The following TCF20 variants were observed in gnomAD, a reference collection of about 807,000 sequenced individuals.
TCF20 encodes SPRE-binding protein.
A neutral mutation model predicts 148.6 loss-of-function variants in TCF20; 3 were observed. That is an observed-to-expected ratio of 0.02 (90% confidence interval 0.01 to 0.05). The LOEUF (loss-of-function observed/expected upper bound fraction) is 0.05, where lower values mean the gene tolerates loss of function less well. Ranked by LOEUF, TCF20 falls within the 10% of genes least tolerant of loss-of-function variation. The probability of loss-of-function intolerance (pLI) is 1.00; values close to 1 mark genes in which losing one functional copy is unlikely to be tolerated. For missense variants in TCF20, 2,350 were observed against 2,429.3 expected (o/e 0.97, Z 0.69); for synonymous variants, 1,049 against 909.5 (o/e 1.15, Z -2.76).
At chr22:42,265,472 CT>C (rs1005932868) in intron 1 of TCF20, among the ~76,000 whole-genome samples, 2 of 152,132 alleles carry the variant, frequency 1.3e-5, no homozygotes, top group African/African-American at 4.8e-5. Context: ...CACATCTGGC[CT>C]TTTTTATTTT....
chr22:42,185,607 G>A (rs1937006700), intron 2 of TCF20, among the ~76,000 whole-genome samples: 1 of 152,114 alleles, frequency 6.6e-6, no homozygotes, highest in Admixed American at 6.6e-5. Context: ...CAACTACGTG[G>A]CAGCTAGATG....
At chr22:42,201,728 A>G (rs970985486) in intron 2 of TCF20, among the ~76,000 whole-genome samples, 8 of 151,744 alleles carry the variant, frequency 5.3e-5, no homozygotes, top group African/African-American at 1.9e-4. Context: ...AAATTGTGCC[A>G]TTGCGGTCCA....
Position 42,290,659 on chromosome 22 carries a change from C to T in TCF20, c.-37+52820G>A, listed in dbSNP as rs895484396. 6.6e-6 allele frequency among the ~76,000 whole-genome samples: 1 copy of T among 152,234 alleles called. No homozygotes were observed. Among genetic ancestry groups the T allele is most frequent in the African/African-American group, 2.4e-5 (1 of 41,458 alleles). Reference sequence around the variant, plus strand: ...AGGAGCGCGTGCCCCTGAGCCCACTCGCTGTGGCTGCAGCATACACCGCTG... The same window carrying T: ...AGGAGCGCGTGCCCCTGAGCCCACTTGCTGTGGCTGCAGCATACACCGCTG... On this transcript the variant is annotated intron_variant, in intron 1 of 1. Coordinates refer to the TCF20 transcript ENST00000515426. This position sits in a 1 kb window ranked among gnomAD's most constrained non-coding sequence, Gnocchi z 4.2.
chr22:42,197,522 C>G (rs1415402798), intron 2 of TCF20, among the ~76,000 whole-genome samples: 1 of 152,052 alleles, frequency 6.6e-6, no homozygotes, highest in Non-Finnish European at 1.5e-5. Context: ...CAGGGTTTCA[C>G]CGTGTTAGCC....
intron 1 of TCF20, among the ~76,000 whole-genome samples, chr22:42,251,668 A>C (rs1431453800): frequency 6.7e-6 from 1 of 149,662 alleles, no homozygotes; most frequent in East Asian, 2.0e-4. Flanking sequence ...ATGCCTAGAT[A>C]ATTTTTATAT....
chr22:42,189,705 C>A (rs986098460), intron 2 of TCF20, among the ~76,000 whole-genome samples: 1 of 152,192 alleles, frequency 6.6e-6, no homozygotes, highest in African/African-American at 2.4e-5. Context: ...TCCCTGCTAG[C>A]AAGCTTTTTT....
intron 2 of TCF20, among the ~76,000 whole-genome samples, chr22:42,185,852 A>T (rs150000109): frequency 6.6e-6 from 1 of 152,300 alleles, no homozygotes; most frequent in Non-Finnish European, 1.5e-5. Flanking sequence ...ACAAAGACTG[A>T]GGGAATGGGC....
chr22:42,279,690 C>G lies in TCF20; in HGVS notation c.-37+4137G>C, dbSNP rs1162507675. The stretch of plus-strand genomic sequence containing the variant: ...TGCTCCGTGAGGTGGGACGATTCAC[C>G]CCATGAGCAAACAGGCTCAGGGAGG... On this transcript the variant is annotated intron_variant, in intron 1 of 5. Coordinates refer to the TCF20 transcript ENST00000359486. The surrounding 1 kb of genome is among the most constrained non-coding windows in gnomAD (Gnocchi z 4.3). Among the ~76,000 whole-genome samples the G allele has an allele frequency of 6.6e-6, 1 of 152,192 alleles. No individual in the cohort carries two copies. The highest frequency in any genetic ancestry group is 1.5e-5 in the Non-Finnish European group (1 of 68,032).
intron 1 of TCF20, among the ~76,000 whole-genome samples, chr22:42,303,489 C>T (rs1927375674): frequency 6.6e-6 from 1 of 152,262 alleles, no homozygotes; most frequent in Non-Finnish European, 1.5e-5. Context: ...GCACAACACC[C>T]CATGGGCAGC....
chr22:42,293,506 C>T (rs115250480), intron 1 of TCF20, among the ~76,000 whole-genome samples: 2,346 of 152,230 alleles, frequency 0.015, 56 homozygotes, highest in African/African-American at 0.054. Context: ...CTGAGGACAG[C>T]GGGGTGAGGG....
At chr22:42,300,232 G>A (rs1927312767) in intron 1 of TCF20, among the ~76,000 whole-genome samples, 1 of 152,110 alleles carries the variant, frequency 6.6e-6, no homozygotes, top group Non-Finnish European at 1.5e-5. Context: ...CAGGGCTTTG[G>A]GGCCTCTGCT....
chr22:42,177,574 T>A (rs918526448), intron 3 of TCF20, among the ~76,000 whole-genome samples: 2 of 152,216 alleles, frequency 1.3e-5, no homozygotes, highest in African/African-American at 4.8e-5. Context: ...TCAAGTCTTC[T>A]GCGTCACTCA....
intron 1 of TCF20, among the ~76,000 whole-genome samples, chr22:42,295,010 G>A (rs1026238826): frequency 2.0e-5 from 3 of 152,190 alleles, no homozygotes; most frequent in Admixed American, 6.5e-5. Context: ...GGCAGGGGCC[G>A]CCTGGTTGGG....
At chr22:42,209,609 G>A in intron 2 of TCF20, 42 bp downstream of exon 2, 1 of 1,539,736 alleles carries the variant, frequency 6.5e-7, no homozygotes, top group Non-Finnish European at 8.7e-7. Flanking sequence ...GGAACCAAAT[G>A]AAATAAAAAT....
chr22:42,169,773 TG>T, intron 4 of TCF20, 73 bp downstream of exon 4: 1 of 1,529,636 alleles, frequency 6.5e-7, no homozygotes, highest in Non-Finnish European at 9.0e-7. Context: ...CACCAACACC[TG>T]GTCTTCAGGT....
In TCF20 at chr22:42,213,596, T is replaced by C; in HGVS notation, c.1710A>G (p.Arg570=). The C allele has an allele frequency of 6.2e-7, 1 of 1,613,992 alleles. No homozygotes were observed. The highest frequency in any genetic ancestry group is 8.5e-7 in the Non-Finnish European group (1 of 1,180,014). ...PAQGAQNEPP[R]LNASPAAREE... ...CTCTTGCGGCAGGACTAGCATTGAG[T>C]CTGGGGGGTTCATTCTGAGCACCTT... Residue 570 remains arginine (R), a synonymous_variant, in exon 2 of 6, where the codon AGA becomes AGG. Coordinates refer to ENST00000677622, the MANE Select transcript of TCF20 (RefSeq NM_001378418.1).
At chr22:42,276,307 T>C (rs1355412495) in intron 1 of TCF20, 1 of 152,188 alleles carries the variant, frequency 6.6e-6, no homozygotes, top group Non-Finnish European at 1.5e-5. Flanking sequence ...TCCATATATG[T>C]CACTTAACCT....
chr22:42,261,638 A>G (rs1172970630), intron 1 of TCF20, among the ~76,000 whole-genome samples: 1 of 152,158 alleles, frequency 6.6e-6, no homozygotes, highest in Non-Finnish European at 1.5e-5. Flanking sequence ...TATTCATTCA[A>G]CAAATATCCT....
chr22:42,291,462 T>C (rs980791082), intron 1 of TCF20, among the ~76,000 whole-genome samples: 2 of 152,114 alleles, frequency 1.3e-5, no homozygotes, highest in African/African-American at 4.8e-5. Flanking sequence ...CTGGAGGTCA[T>C]AGGCCTCAGG....
Sources: gnomAD v4.1 joint callset for allele counts (sites outside exome capture counted in the v4.1 genomes callset) on GRCh38, gnomAD v4.1.1 for gene constraint, Gnocchi (gnomAD v3.1) non-coding constraint, MANE v1.5 for transcripts, NCBI Gene and HGNC (gene_info 2026-07-23, HGNC 2026-07-21) for gene names.